The following CSMD2 variants were observed in gnomAD, a reference collection of about 807,000 sequenced individuals.
CSMD2 encodes the protein CUB and sushi domain-containing protein 2.
A neutral mutation model predicts 398.5 loss-of-function variants in CSMD2; 130 were observed. The observed-to-expected ratio is 0.33, with a 90% CI of 0.28 to 0.38. CSMD2 has a LOEUF of 0.38. Among genes scored for constraint, CSMD2 ranks in the 10% least tolerant of loss-of-function variants. The probability of loss-of-function intolerance (pLI) is 1.00; values close to 1 mark genes in which losing one functional copy is unlikely to be tolerated. For synonymous variants in CSMD2, 1,828 were observed against 1,908.5 expected (o/e 0.96, Z 1.10); for missense variants, 3,829 against 4,764.9 (o/e 0.80, Z 5.78).
At chr1:33,521,442 C>CG in intron 68 of CSMD2, 21 bp downstream of exon 68, 1 of 1,487,594 alleles carries the variant, frequency 6.7e-7, no homozygotes, top group Non-Finnish European at 9.4e-7. Flanking sequence ...CCCACACTTC[C>CG]GGGGGACAAG....
intron 3 of CSMD2, among the ~76,000 whole-genome samples, chr1:33,981,782 C>A (rs567302316): frequency 4.7e-4 from 72 of 152,192 alleles, no homozygotes; most frequent in Non-Finnish European, 7.3e-4. Context: ...CAGAGGAGAA[C>A]CCCTGGGACA....
intron 2 of CSMD2, among the ~76,000 whole-genome samples, chr1:34,074,030 T>C (rs371824675): frequency 2.1e-4 from 32 of 152,282 alleles, no homozygotes; most frequent in African/African-American, 6.7e-4. Flanking sequence ...CCAGATCTCA[T>C]GAGAACTCAC....
chr1:33,965,691 G>A (rs774558664), intron 3 of CSMD2, among the ~76,000 whole-genome samples: 3 of 152,104 alleles, frequency 2.0e-5, no homozygotes, highest in Admixed American at 6.5e-5. Flanking sequence ...TAATTTTCAG[G>A]GCACAGTGCT....
chr1:33,976,493 C>T (rs1381869777), intron 3 of CSMD2, among the ~76,000 whole-genome samples: 1 of 152,152 alleles, frequency 6.6e-6, no homozygotes, highest in African/African-American at 2.4e-5. Context: ...CTCTGCCTTC[C>T]TGGAGCACCA....
chr1:33,592,309 A>C lies in CSMD2; in HGVS notation c.6857-5141T>G, dbSNP rs1176842266. ...ATTGCACTTGGATTTTTATCTTTTCAGGAGATGGGTCCAGGCAAAAGTAGA... is the reference window on the plus strand; with the variant it reads ...ATTGCACTTGGATTTTTATCTTTTCCGGAGATGGGTCCAGGCAAAAGTAGA... On this transcript the variant is annotated intron_variant, in intron 44 of 70. Transcript: ENST00000373381. 8 of 708,214 alleles carry C rather than the reference A, an allele frequency of 1.1e-5. No individual in the cohort carries two copies. The East Asian group carries it at 2.2e-4, about 19-fold the overall frequency. The allele number at this position is 708,214 out of a possible 1,614,324, so 43.9% of individuals were successfully genotyped here. A position where few individuals can be genotyped will look rare whatever the true frequency, so the allele number is the denominator to read the frequency against.
intron 25 of CSMD2, among the ~76,000 whole-genome samples, chr1:33,666,883 G>C (rs1644334855): frequency 6.6e-6 from 1 of 152,146 alleles, no homozygotes; most frequent in African/African-American, 2.4e-5. Flanking sequence ...TCTCAGAAAA[G>C]ACATCGGTGT....
intron 52 of CSMD2, among the ~76,000 whole-genome samples, chr1:33,568,189 C>T (rs1357171401): frequency 3.5e-5 from 5 of 141,346 alleles, no homozygotes; most frequent in South Asian, 2.3e-4. Flanking sequence ...TCAGGAGCAT[C>T]TTTTTTTTTT....
chr1:33,630,455 CTT>C (rs1642403197), intron 32 of CSMD2, among the ~76,000 whole-genome samples: 1 of 152,176 alleles, frequency 6.6e-6, no homozygotes, highest in African/African-American at 2.4e-5. Flanking sequence ...AGGTAGGACT[CTT>C]TTTCTTTGCA....
intron 3 of CSMD2, among the ~76,000 whole-genome samples, chr1:33,965,847 AGC>A (rs1328304587): frequency 9.2e-5 from 14 of 152,240 alleles, no homozygotes; most frequent in African/African-American, 3.4e-4. Context: ...GAATGCGGAT[AGC>A]CACATTAGAA....
intron 10 of CSMD2, among the ~76,000 whole-genome samples, chr1:33,803,410 C>T (rs1294327522): frequency 6.6e-6 from 1 of 152,168 alleles, no homozygotes; most frequent in Non-Finnish European, 1.5e-5. Context: ...CACAGACATT[C>T]CAAATGCACT....
chr1:33,681,681 T>A (rs1172131089), intron 25 of CSMD2, among the ~76,000 whole-genome samples: 1 of 152,076 alleles, frequency 6.6e-6, no homozygotes, highest in Non-Finnish European at 1.5e-5. Flanking sequence ...ACACTAGAAA[T>A]TTGGCCAGGC....
chr1:33,688,017 T>C (rs1410311148), intron 25 of CSMD2, among the ~76,000 whole-genome samples: 1 of 152,218 alleles, frequency 6.6e-6, no homozygotes, highest in East Asian at 1.9e-4. Context: ...AGACTTCTGG[T>C]AGACTTGTAA....
intron 53 of CSMD2, among the ~76,000 whole-genome samples, chr1:33,566,164 T>C (rs1659039036): frequency 6.6e-6 from 1 of 151,550 alleles, no homozygotes; most frequent in Admixed American, 6.6e-5. Flanking sequence ...AGAAAAGTCT[T>C]TGGAAATAAA....
chr1:33,703,798 C>T lies in CSMD2; in HGVS notation c.3577-3125G>A, dbSNP rs571635524. 7.2e-5 allele frequency among the ~76,000 whole-genome samples: 11 copies of T among 152,284 alleles called. No individual in the cohort carries two copies. In the East Asian group the frequency reaches 1.2e-3, roughly 16 times the overall value. On this transcript the variant is annotated intron_variant, in intron 22 of 70. Transcript: ENST00000373381. ...TAGCAATTTGCTCTCTCACCAGCAA[C>T]GTCTGACAGCTTTCATTGCTTTATA...
intron 4 of CSMD2, among the ~76,000 whole-genome samples, chr1:33,931,499 G>A (rs1644312144): frequency 6.6e-6 from 1 of 151,242 alleles, no homozygotes; most frequent in Non-Finnish European, 1.5e-5. Context: ...GGGGTGGGGG[G>A]AAGCCCTAGG....
chr1:33,828,353 A>G (rs549816947), intron 6 of CSMD2, among the ~76,000 whole-genome samples: 1 of 152,228 alleles, frequency 6.6e-6, no homozygotes, highest in African/African-American at 2.4e-5. Flanking sequence ...CACAACAACA[A>G]TTTGAGCCTG....
At chr1:33,720,586 C>T (rs1028608638) in intron 19 of CSMD2, among the ~76,000 whole-genome samples, 7 of 152,194 alleles carry the variant, frequency 4.6e-5, no homozygotes, top group African/African-American at 7.2e-5. Flanking sequence ...GGAAGCCTGG[C>T]AAGTTCCAGA....
intron 25 of CSMD2, among the ~76,000 whole-genome samples, chr1:33,665,384 A>G (rs1644273066): frequency 6.6e-6 from 1 of 151,504 alleles, no homozygotes; most frequent in African/African-American, 2.4e-5. Context: ...CCCCGACCCA[A>G]CGATTCAAAA....
chr1:33,549,895 T>C (rs1472542693), intron 56 of CSMD2, among the ~76,000 whole-genome samples: 3 of 152,214 alleles, frequency 2.0e-5, no homozygotes, highest in Non-Finnish European at 1.5e-5. Flanking sequence ...TGGACAGGAC[T>C]CTGGCCATAG....
Sources: allele counts gnomAD v4.1 joint callset (sites outside exome capture counted in the v4.1 genomes callset), GRCh38; gene constraint gnomAD v4.1.1; transcripts MANE v1.5; gene names NCBI Gene and HGNC (gene_info 2026-07-23, HGNC 2026-07-21).